VPS13B: variants seen among roughly 807,000 people sequenced by gnomAD.
VPS13B encodes the protein vacuolar protein sorting 13 homolog B.
In VPS13B, 285 loss-of-function variants were observed where a neutral mutation model predicts 426.4. That is an observed-to-expected ratio of 0.67 (90% CI 0.61 to 0.74). The LOEUF (loss-of-function observed/expected upper bound fraction) is 0.74. Among genes scored for constraint, VPS13B ranks in the 30% least tolerant of loss-of-function variants. The pLI is 0.00. For missense variants in VPS13B, 4,537 were observed against 4,782.6 expected, an observed-to-expected ratio of 0.95 and a Z score of 1.51; for synonymous variants, 1,676 against 1,676.4, an observed-to-expected ratio of 1.00 and a Z score of 0.01.
At chr8:99,173,913 A>G (rs1214135152) in intron 16 of VPS13B, among the ~76,000 whole-genome samples, 1 of 152,232 alleles carries the variant, frequency 6.6e-6, no homozygotes, top group African/African-American at 2.4e-5. Flanking sequence ...TGCTTAAAAC[A>G]ATTGCTATTA....
Position 99,752,083 on chromosome 8 carries a change from C to T in VPS13B, c.7051-14691C>T, listed in dbSNP as rs796335522. Among the ~76,000 whole-genome samples, 40 of 152,082 alleles carry T rather than the reference C, an allele frequency of 2.6e-4. 1 individual carries two copies. Among genetic ancestry groups the T allele is most frequent in the Middle Eastern group, 3.4e-3 (1 of 294 alleles). On this transcript the variant is annotated intron_variant, in intron 39 of 61. Transcript: ENST00000357162. The stretch of plus-strand genomic sequence containing the variant: ...CAGTCTGGACTGGGTTTGTGGCATG[C>T]GCCTGTAATCCCACTCAGGAGACTG...
In VPS13B at chr8:99,822,626, C is replaced by G. The variant is rs543865182; in HGVS notation, c.9183+1144C>G. On this transcript the variant is annotated intron_variant, in intron 50 of 61. Coordinates refer to ENST00000357162, the MANE Select transcript of VPS13B (RefSeq NM_152564.5). ...AAATGTTTGTGAATCAATGAATGTA[C>G]TGTTGGAACACATATTGATGTCTAA... Among the ~76,000 whole-genome samples, 4 of 152,320 alleles carry G rather than the reference C, an allele frequency of 2.6e-5. No individual in the cohort carries two copies. In the East Asian group the frequency reaches 7.7e-4, roughly 29 times the overall value.
rs199519352 is a variant in VPS13B, at chr8:99,391,634, C to T, written c.3012C>T (p.Pro1004=). 6.2e-7 allele frequency: 1 copy of T among 1,614,086 alleles called. No homozygotes were observed. The highest frequency in any genetic ancestry group is 8.5e-7 in the Non-Finnish European group (1 of 1,179,940). ...ATGAGGTGTCTATTGGAAGTGCCCC[C>T]TTGGCAAAGCAGCAATCATATCAGG... is the stretch of plus-strand genomic sequence containing the variant. ...KEDEVSIGSA[P]LAKQQSYQAS... The change falls in exon 21 of 62, where the codon CCC becomes CCT. Residue 1004 remains proline (P), a synonymous_variant. Coordinates refer to ENST00000357162, the MANE Select transcript of VPS13B (RefSeq NM_152564.5).
chr8:99,697,068 C>T (rs116059475), intron 35 of VPS13B: 164 of 539,118 alleles, frequency 3.0e-4, no homozygotes, highest in African/African-American at 2.5e-3. Flanking sequence ...ATTCCCATAT[C>T]GCTACTCATC....
chr8:99,803,553 A>G (rs942308513), intron 43 of VPS13B, among the ~76,000 whole-genome samples: 5 of 152,214 alleles, frequency 3.3e-5, no homozygotes, highest in Non-Finnish European at 7.3e-5. Flanking sequence ...GGGAAATTAT[A>G]TTCTATAAAT....
intron 19 of VPS13B, among the ~76,000 whole-genome samples, chr8:99,312,035 C>T (rs1821011202): frequency 6.6e-6 from 1 of 152,164 alleles, no homozygotes; most frequent in Non-Finnish European, 1.5e-5. Flanking sequence ...GTAGATCTTC[C>T]TCCATCCCTT....
intron 29 of VPS13B, among the ~76,000 whole-genome samples, chr8:99,517,296 G>C (rs946631928): frequency 1.3e-5 from 2 of 152,038 alleles, no homozygotes; most frequent in Non-Finnish European, 2.9e-5. Flanking sequence ...TGAAAATTCT[G>C]GTCTTTATTC....
chr8:99,144,096 T>G (rs1039597413), intron 13 of VPS13B, among the ~76,000 whole-genome samples: 5 of 152,216 alleles, frequency 3.3e-5, no homozygotes, highest in African/African-American at 1.2e-4. Flanking sequence ...TAAAGCTGCA[T>G]GCTGAGGATG....
chr8:99,323,677 T>C (rs1276883683), intron 19 of VPS13B, among the ~76,000 whole-genome samples: 2 of 152,234 alleles, frequency 1.3e-5, no homozygotes, highest in African/African-American at 4.8e-5. Context: ...GGCTATTATC[T>C]AAGCACAATT....
intron 34 of VPS13B, among the ~76,000 whole-genome samples, chr8:99,646,955 C>CT (rs979043589): frequency 9.2e-5 from 14 of 152,092 alleles, no homozygotes; most frequent in African/African-American, 2.9e-4. Context: ...CCAAATATAT[C>CT]TTTTTTCTTT....
At chr8:99,275,358 T>C in intron 19 of VPS13B, 104 bp downstream of exon 19, 4 of 1,175,696 alleles carry the variant, frequency 3.4e-6, no homozygotes, top group Non-Finnish European at 4.7e-6. Flanking sequence ...TAGGTATTTT[T>C]GTCAATTGGC....
intron 28 of VPS13B, chr8:99,507,637 A>G: frequency 7.4e-7 from 1 of 1,359,584 alleles, no homozygotes; most frequent in East Asian, 2.5e-5. Context: ...GGCAGAGGCC[A>G]TACCTAGCGG....
rs1832056028 is a variant in VPS13B at position 99,697,168 on chromosome 8, A to G, written c.6047-2357A>G. ...ACTCTCCCAGAGATTGTGGCAAAGG[A>G]AGAGCAGGTGAAAGTGGCTGAGGTG... On this transcript the variant is annotated intron_variant, in intron 35 of 61. Coordinates refer to ENST00000357162, the MANE Select transcript of VPS13B (RefSeq NM_152564.5). The G allele has an allele frequency of 9.2e-6, 5 of 546,000 alleles. No individual in the cohort carries two copies. The South Asian group carries it at 9.6e-5, about 10-fold the overall frequency. 33.8% of individuals were successfully genotyped at this position (546,000 alleles called of 1,614,324 possible). A position where few individuals can be genotyped will look rare whatever the true frequency, so the allele number is the denominator to read the frequency against.
intron 33 of VPS13B, among the ~76,000 whole-genome samples, chr8:99,592,243 C>T (rs1826725500): frequency 6.6e-6 from 1 of 151,966 alleles, no homozygotes; most frequent in South Asian, 2.1e-4. Context: ...TTTTAGCTTC[C>T]TTGCGATGCA....
At chr8:99,610,238 G>T (rs778064411) in intron 33 of VPS13B, among the ~76,000 whole-genome samples, 1 of 151,958 alleles carries the variant, frequency 6.6e-6, no homozygotes, top group East Asian at 1.9e-4. Flanking sequence ...TCCCATTACT[G>T]GGCAAATACC....
At chr8:99,075,560 G>A (rs1259691516) in intron 3 of VPS13B, among the ~76,000 whole-genome samples, 2 of 152,300 alleles carry the variant, frequency 1.3e-5, no homozygotes, top group Non-Finnish European at 2.9e-5. Context: ...AAATTCCCAA[G>A]CTATATCAAT....
chr8:99,328,595 A>T (rs1390441306), intron 19 of VPS13B, among the ~76,000 whole-genome samples: 2 of 152,150 alleles, frequency 1.3e-5, no homozygotes, highest in African/African-American at 4.8e-5. Context: ...ATGATTGGAT[A>T]AGATAACTTT....
intron 36 of VPS13B, among the ~76,000 whole-genome samples, chr8:99,711,452 T>C (rs572899837): frequency 2.6e-5 from 4 of 152,298 alleles, no homozygotes; most frequent in East Asian, 1.9e-4. Flanking sequence ...TCAGTGTCAT[T>C]TGTGTATTTA....
At chr8:99,556,411 T>C (rs781596126) in intron 30 of VPS13B, 39 bp from the exon 31 acceptor site, 17 of 1,593,694 alleles carry the variant, frequency 1.1e-5, no homozygotes, top group Non-Finnish European at 1.5e-5. Flanking sequence ...TTTATCTGTT[T>C]TCTTGTTTTT....
Sources: allele counts gnomAD v4.1 joint callset (sites outside exome capture counted in the v4.1 genomes callset), GRCh38; gene constraint gnomAD v4.1.1; transcripts MANE v1.5; gene names NCBI Gene and HGNC (gene_info 2026-07-23, HGNC 2026-07-21).